ADAMTS2: variants seen among roughly 807,000 people sequenced by gnomAD.
ADAMTS2 encodes ADAM metallopeptidase with thrombospondin type 1 motif 2, also known as A disintegrin and metalloproteinase with thrombospondin motifs 2.
ADAMTS2 carries 50 observed loss-of-function variants against 123.0 expected under a neutral mutation model. The ratio of observed to expected loss-of-function variants is 0.41; its 90% confidence interval spans 0.32 to 0.51. ADAMTS2 has a LOEUF of 0.51. Among genes scored for constraint, ADAMTS2 ranks in the 20% least tolerant of loss-of-function variants. ADAMTS2 has a pLI of 0.35. For missense variants in ADAMTS2, 1,494 were observed against 1,705.2 expected (o/e 0.88, Z 2.18); for synonymous variants, 678 against 695.4 (o/e 0.98, Z 0.39).
At chr5:179,341,951 T>C (rs1050784345) in intron 2 of ADAMTS2, among the ~76,000 whole-genome samples, 1 of 152,174 alleles carries the variant, frequency 6.6e-6, no homozygotes, top group South Asian at 2.1e-4. Context: ...CCAACCTGCG[T>C]CTTTTCCAGC....
intron 1 of ADAMTS2, among the ~76,000 whole-genome samples, chr5:179,344,838 C>A (rs1414494218): frequency 1.3e-5 from 2 of 152,200 alleles, no homozygotes; most frequent in African/African-American, 2.4e-5. Context: ...TCCTCCGGAG[C>A]GTCCCCGGAC....
chr5:179,144,317 A>G (rs1463505844), intron 10 of ADAMTS2, among the ~76,000 whole-genome samples: 1 of 152,270 alleles, frequency 6.6e-6, no homozygotes, highest in Non-Finnish European at 1.5e-5. Context: ...CTCAATGTTC[A>G]TTGATCAGTG....
intron 2 of ADAMTS2, among the ~76,000 whole-genome samples, chr5:179,284,773 G>A (rs1222523945): frequency 6.6e-6 from 1 of 152,190 alleles, no homozygotes; most frequent in Non-Finnish European, 1.5e-5. Flanking sequence ...GAGTTTCTCA[G>A]ATTTTTTGAC....
In ADAMTS2 at chr5:179,282,994, T is replaced by C. The variant is rs556369156; in HGVS notation, c.535-9930A>G. On this transcript the variant is annotated intron_variant, in intron 2 of 21. Transcript: ENST00000251582. ...CCCTGGGAGAGGGTGCACAGAGGGA[T>C]GGCTTCAACCCTGCTGCTAGAGAAT... 3.3e-4 allele frequency among the ~76,000 whole-genome samples: 50 copies of C among 152,212 alleles called. 1 individual carries two copies. Among genetic ancestry groups the C allele is most frequent in the African/African-American group, 1.1e-3 (45 of 41,540 alleles).
At chr5:179,340,647 C>G (rs1757745566) in intron 2 of ADAMTS2, among the ~76,000 whole-genome samples, 1 of 152,108 alleles carries the variant, frequency 6.6e-6, no homozygotes. Context: ...ACTTTTGGAG[C>G]CTCAGTTTAT....
At chr5:179,245,787 A>AAAAAAAAAAAAAAAC (rs1765784074) in intron 3 of ADAMTS2, among the ~76,000 whole-genome samples, 1 of 76,178 alleles carries the variant, frequency 1.3e-5, no homozygotes. Flanking sequence ...AAAAAAAAAA[A>AAAAAAAAAAAAAAAC]AAAAAAAACA....
At position 179,217,585 on chromosome 5, in the gene ADAMTS2, T is replaced by C. The variant is rs1320113971; in HGVS notation, c.689-9870A>G. ...AAGTCATGGAAGTGCTAGAAGAAAA[T>C]GTAGCGAGGCACCTTTTTATCATCT... On this transcript the variant is annotated intron_variant, in intron 3 of 21. Coordinates refer to ENST00000251582, the MANE Select transcript of ADAMTS2 (RefSeq NM_014244.5). 2.6e-5 allele frequency among the ~76,000 whole-genome samples: 4 copies of C among 152,288 alleles called. No individual in the cohort carries two copies. In the South Asian group the frequency reaches 6.2e-4, roughly 24 times the overall value.
intron 10 of ADAMTS2, among the ~76,000 whole-genome samples, chr5:179,141,188 G>C (rs1451609531): frequency 1.3e-5 from 2 of 152,148 alleles, no homozygotes; most frequent in Non-Finnish European, 2.9e-5. Flanking sequence ...AACAGAAAGA[G>C]AACGCAGCCA....
intron 2 of ADAMTS2, among the ~76,000 whole-genome samples, chr5:179,280,126 G>C (rs1766850209): frequency 6.6e-6 from 1 of 152,204 alleles, no homozygotes; most frequent in Non-Finnish European, 1.5e-5. Flanking sequence ...ACTTTGCTTG[G>C]CCACTCTAAC....
intron 19 of ADAMTS2, among the ~76,000 whole-genome samples, chr5:179,124,055 C>T (rs570292442): frequency 6.6e-5 from 10 of 152,296 alleles, no homozygotes; most frequent in African/African-American, 2.4e-4. Flanking sequence ...GAGGGGACAC[C>T]GGGAGCCTGC....
chr5:179,223,496 A>T (rs1218001028), intron 3 of ADAMTS2, among the ~76,000 whole-genome samples: 1 of 150,702 alleles, frequency 6.6e-6, no homozygotes, highest in Non-Finnish European at 1.5e-5. Context: ...ACTCACACTC[A>T]CATGCACACT....
At position 179,189,334 on chromosome 5, in the gene ADAMTS2, G is replaced by A. The variant is rs1319490164; in HGVS notation, c.892-8179C>T. The stretch of plus-strand genomic sequence containing the variant: ...TCGTTGGTATAGGTTTGGGATAGAC[G>A]GTGGAGTTAGGAGCAATTTTTTTTT... On this transcript the variant is annotated intron_variant, in intron 4 of 21. Coordinates refer to ENST00000251582, the MANE Select transcript of ADAMTS2 (RefSeq NM_014244.5). This position sits in a 1 kb window ranked among gnomAD's most constrained non-coding sequence, Gnocchi z 4.2. Among the ~76,000 whole-genome samples, 3 of 151,028 alleles carry A rather than the reference G, an allele frequency of 2.0e-5. No individual in the cohort carries two copies. Among genetic ancestry groups the A allele is most frequent in the Non-Finnish European group, 4.4e-5 (3 of 67,864 alleles).
At chr5:179,207,785 C>A (rs551251339) in intron 3 of ADAMTS2, 70 bp from the exon 4 acceptor site, 1 of 1,396,906 alleles carries the variant, frequency 7.2e-7, no homozygotes, top group Admixed American at 1.7e-5. Flanking sequence ...CAGGCGCCAG[C>A]TTGGCCATCC....
chr5:179,338,106 A>T (rs1271340320), intron 2 of ADAMTS2, among the ~76,000 whole-genome samples: 1 of 152,184 alleles, frequency 6.6e-6, no homozygotes, highest in Non-Finnish European at 1.5e-5. Flanking sequence ...TGCCAGAAAC[A>T]TACCCAGCCA....
intron 3 of ADAMTS2, among the ~76,000 whole-genome samples, chr5:179,213,010 G>A (rs1461111284): frequency 6.6e-6 from 1 of 152,132 alleles, no homozygotes; most frequent in African/African-American, 2.4e-5. Flanking sequence ...ATGGGACTCA[G>A]AGCTCTTGAA....
At chr5:179,221,769 C>T (rs1765133149) in intron 3 of ADAMTS2, among the ~76,000 whole-genome samples, 2 of 152,230 alleles carry the variant, frequency 1.3e-5, no homozygotes, top group South Asian at 2.1e-4. Flanking sequence ...CAGCTCAAGA[C>T]CCTGGAACTT....
chr5:179,124,928 C>T (rs1175390125), intron 19 of ADAMTS2, 45 bp downstream of exon 19: 1 of 1,581,096 alleles, frequency 6.3e-7, no homozygotes, highest in Non-Finnish European at 8.5e-7. Flanking sequence ...TGCCTGTCCA[C>T]CCTCAGTTTT....
chr5:179,152,023 G>T, intron 10 of ADAMTS2, 119 bp downstream of exon 10: 2 of 848,710 alleles, frequency 2.4e-6, no homozygotes, highest in Non-Finnish European at 3.9e-6. Context: ...GGAGAGGGCA[G>T]CAGAGGTCCC....
chr5:179,122,890 G>A (rs1762790009), intron 19 of ADAMTS2, 117 bp from the exon 20 acceptor site: 1 of 1,477,674 alleles, frequency 6.8e-7, no homozygotes, highest in Admixed American at 2.0e-5. Flanking sequence ...GGAGGTGTGG[G>A]ACAGTGGGGA....
Sources: allele counts gnomAD v4.1 joint callset (sites outside exome capture counted in the v4.1 genomes callset), GRCh38; gene constraint gnomAD v4.1.1; non-coding constraint Gnocchi (gnomAD v3.1); transcripts MANE v1.5; gene names NCBI Gene and HGNC (gene_info 2026-07-23, HGNC 2026-07-21).